Variants in D2HGDH observed in about 807,000 individuals in gnomAD.
D2HGDH encodes D-2-hydroxyglutarate dehydrogenase.
D2HGDH carries 31 observed loss-of-function variants against 46.9 expected under a neutral mutation model. That is an observed-to-expected ratio of 0.66 (90% CI 0.50 to 0.89). The LOEUF (loss-of-function observed/expected upper bound fraction) is 0.89. Among genes scored for constraint, D2HGDH ranks in the 40% least tolerant of loss-of-function variants. The probability of loss-of-function intolerance (pLI) is 0.00; values close to 1 mark genes in which losing one functional copy is unlikely to be tolerated. For synonymous variants in D2HGDH, 364 were observed against 332.6 expected (o/e 1.09, Z -1.03); for missense variants, 698 against 720.8 (o/e 0.97, Z 0.36).
At chr2:241,745,839 C>G (rs1559367247) in intron 6 of D2HGDH, among the ~76,000 whole-genome samples, 1 of 152,174 alleles carries the variant, frequency 6.6e-6, no homozygotes, top group Non-Finnish European at 1.5e-5. Context: ...CGCATGGCTT[C>G]AGGCTGTTGT....
intron 9 of D2HGDH, among the ~76,000 whole-genome samples, chr2:241,765,188 C>T (rs1414942830): frequency 6.6e-6 from 1 of 152,238 alleles, no homozygotes; most frequent in African/African-American, 2.4e-5. Context: ...GGAAGACGGT[C>T]TGGACTCTTC....
At chr2:241,761,298 G>A (rs933939068) in intron 9 of D2HGDH, among the ~76,000 whole-genome samples, 3 of 152,150 alleles carry the variant, frequency 2.0e-5, no homozygotes, top group African/African-American at 7.2e-5. Flanking sequence ...CAGCAATACG[G>A]GAGGCCAAAG....
intron 8 of D2HGDH, chr2:241,755,629 T>C (rs957145548): frequency 7.7e-5 from 118 of 1,529,396 alleles, no homozygotes; most frequent in Non-Finnish European, 1.0e-4. Context: ...ACACCTGGTC[T>C]GGGGCATTCG....
intron 9 of D2HGDH, among the ~76,000 whole-genome samples, chr2:241,759,943 T>C (rs1259560219): frequency 1.3e-5 from 2 of 152,272 alleles, no homozygotes; most frequent in South Asian, 2.1e-4. Context: ...TGTGAAGATA[T>C]TTTTTATGTG....
rs1178956582 is a variant in D2HGDH, at chr2:241,742,716, C to A, written c.490+142C>A. On this transcript the variant is annotated intron_variant, in intron 4 of 9. Coordinates refer to ENST00000321264, the MANE Select transcript of D2HGDH (RefSeq NM_152783.5). This position sits in a 1 kb window ranked among gnomAD's most constrained non-coding sequence, Gnocchi z 4.8. ...CTGGGGAAAGAACCAGCGTCTGTAGCCTGGCCGCCTAGCCCCACCTCGCCC... is the reference window on the plus strand; with the variant it reads ...CTGGGGAAAGAACCAGCGTCTGTAGACTGGCCGCCTAGCCCCACCTCGCCC... The A allele has an allele frequency of 1.6e-5, 18 of 1,097,390 alleles. No homozygotes were observed. Among genetic ancestry groups the A allele is most frequent in the Non-Finnish European group, 2.2e-5 (16 of 736,068 alleles). The allele number at this position is 1,097,390 out of a possible 1,614,324, so 68.0% of individuals were successfully genotyped here.
chr2:241,753,583 C>G (rs1697641522), intron 8 of D2HGDH, among the ~76,000 whole-genome samples: 1 of 152,214 alleles, frequency 6.6e-6, no homozygotes, highest in Non-Finnish European at 1.5e-5. Flanking sequence ...TTGCGCAGGT[C>G]CAGCCGCTGC....
At chr2:241,736,905 C>G (rs1263446942) in intron 2 of D2HGDH, among the ~76,000 whole-genome samples, 2 of 152,002 alleles carry the variant, frequency 1.3e-5, no homozygotes, top group African/African-American at 4.8e-5. Context: ...GGGTGATCCA[C>G]TCACATTGGC....
At chr2:241,753,080 C>T (rs1426852441) in intron 8 of D2HGDH, among the ~76,000 whole-genome samples, 5 of 152,190 alleles carry the variant, frequency 3.3e-5, no homozygotes, top group Admixed American at 2.0e-4. Flanking sequence ...CCGAATGGGG[C>T]TGGTTCTGTG....
chr2:241,762,496 T>G (rs1038748218), intron 9 of D2HGDH, among the ~76,000 whole-genome samples: 1 of 152,230 alleles, frequency 6.6e-6, no homozygotes, highest in Non-Finnish European at 1.5e-5. Flanking sequence ...GGTGAGTGTT[T>G]ACCTGCCTGG....
chr2:241,744,216 C>A (rs1355117358), intron 5 of D2HGDH, among the ~76,000 whole-genome samples: 3 of 152,238 alleles, frequency 2.0e-5, no homozygotes, highest in Admixed American at 6.5e-5. Context: ...GTGTCACAGG[C>A]AGAGCTCTCT....
In D2HGDH at chr2:241,735,267, C is replaced by A. The variant is rs4675887; in HGVS notation, c.43C>A (p.Arg15=). The stretch of plus-strand genomic sequence containing the variant: ...TCTGGCGTGGCCCGCGTGGCTGTTG[C>A]GGGGTGCTCCGGGAGCCGCGGGTTC... ...RPLAWPAWLL[R]GAPGAAGSWG... The change falls in exon 2 of 10, where the codon CGG becomes AGG. Residue 15 remains arginine, a synonymous_variant. Transcript: ENST00000321264. 30 of 1,518,690 alleles carry A rather than the reference C, an allele frequency of 2.0e-5. No homozygotes were observed. Among genetic ancestry groups the A allele is most frequent in the Non-Finnish European group, 2.5e-5 (28 of 1,140,982 alleles). 94.1% of individuals were successfully genotyped at this position (1,518,690 alleles called of 1,614,324 possible). A position where few individuals can be genotyped will look rare whatever the true frequency, so the allele number is the denominator to read the frequency against.
chr2:241,738,369 C>T (rs1240606920), intron 2 of D2HGDH, among the ~76,000 whole-genome samples: 2 of 152,216 alleles, frequency 1.3e-5, no homozygotes, highest in African/African-American at 4.8e-5. Context: ...TCAGTGCCTG[C>T]CCTACAAAAT....
chr2:241,765,225 C>T (rs1456038678), intron 9 of D2HGDH, among the ~76,000 whole-genome samples: 1 of 152,322 alleles, frequency 6.6e-6, no homozygotes, highest in South Asian at 2.1e-4. Context: ...CAGTGGCAGG[C>T]CATGCGGTAA....
intron 9 of D2HGDH, among the ~76,000 whole-genome samples, chr2:241,764,298 T>A (rs1263295882): frequency 3.3e-5 from 5 of 152,152 alleles, no homozygotes; most frequent in African/African-American, 1.2e-4. Flanking sequence ...CCTTTCTAGT[T>A]CCCAGCTGGG....
chr2:241,743,847 C>T lies in D2HGDH; in HGVS notation c.684+32C>T, dbSNP rs748813087. On this transcript the variant is annotated intron_variant, in intron 5 of 9. Coordinates refer to ENST00000321264, the MANE Select transcript of D2HGDH (RefSeq NM_152783.5). The surrounding 1 kb of genome is among the most constrained non-coding windows in gnomAD (Gnocchi z 4.8). ...TGGGGCAGCTGCTTGGTGCAGAGGT[C>T]GCCACGGGGTGTCCTCTCACGGCTC... 3.6e-5 allele frequency: 57 copies of T among 1,563,620 alleles called. No individual in the cohort carries two copies. The highest frequency in any genetic ancestry group is 4.2e-5 in the Non-Finnish European group (48 of 1,153,778).
At position 241,751,113 on chromosome 2, in the gene D2HGDH, C is replaced by T. The variant is rs146473617; in HGVS notation, c.998-133C>T. 16,548 of 1,250,316 alleles carry T rather than the reference C, an allele frequency of 0.013. 910 individuals carry two copies. The East Asian group carries it at 0.15, about 12-fold the overall frequency. The allele number at this position is 1,250,316 out of a possible 1,614,324, so 77.5% of individuals were successfully genotyped here. ...AGCTTAACCAGAGAGCTGTGTGCTC[C>T]GCAGGCTGCCTGGGTCCTTCTTGGC... On this transcript the variant is annotated intron_variant, in intron 7 of 9. Coordinates refer to ENST00000321264, the MANE Select transcript of D2HGDH (RefSeq NM_152783.5).
Position 241,742,470 on chromosome 2 carries a change from AG to A in D2HGDH, c.392del (p.Gly131AlafsTer23). 2 of 1,613,740 alleles carry A rather than the reference AG, an allele frequency of 1.2e-6. No individual in the cohort carries two copies. The highest frequency in any genetic ancestry group is 1.1e-5 in the South Asian group (1 of 91,024). ...CHERNLAVNP[Q>X]GGNTGMVGGS... ...GAGAGGAACCTGGCCGTGAACCCAC[AG>A]GGGGGCAACACAGGCATGGTGGGTG... On this transcript the variant is annotated frameshift_variant, in exon 4 of 10. Coordinates refer to ENST00000321264, the MANE Select transcript of D2HGDH (RefSeq NM_152783.5). LOFTEE classifies it high-confidence loss of function. The surrounding 1 kb of genome is among the most constrained non-coding windows in gnomAD (Gnocchi z 4.8).
chr2:241,768,109 G>A lies in D2HGDH; in HGVS notation c.*140G>A. ...GTTGAAGGGACTGGGAGCCCGCACT[G>A]GGGAACTGCCGGACGCAGGCCCTCG... On this transcript the variant is annotated 3_prime_UTR_variant, in exon 10 of 10. Coordinates refer to ENST00000321264, the MANE Select transcript of D2HGDH (RefSeq NM_152783.5). 1 of 1,291,272 alleles carries A rather than the reference G, an allele frequency of 7.7e-7. No individual in the cohort carries two copies. Among genetic ancestry groups the A allele is most frequent in the Admixed American group, 2.7e-5 (1 of 36,818 alleles). The allele number at this position is 1,291,272 out of a possible 1,614,324, so 80.0% of individuals were successfully genotyped here.
At chr2:241,764,412 A>C (rs1699096158) in intron 9 of D2HGDH, among the ~76,000 whole-genome samples, 1 of 152,234 alleles carries the variant, frequency 6.6e-6, no homozygotes, top group African/African-American at 2.4e-5. Context: ...AGTGATTCTC[A>C]AAGAGCTGGC....
Sources: gnomAD v4.1 joint callset for allele counts (sites outside exome capture counted in the v4.1 genomes callset) on GRCh38, gnomAD v4.1.1 for gene constraint, Gnocchi (gnomAD v3.1) non-coding constraint, MANE v1.5 for transcripts, NCBI Gene and HGNC (gene_info 2026-07-23, HGNC 2026-07-21) for gene names.